The following KCNJ16 variants were observed in gnomAD, a reference collection of about 807,000 sequenced individuals.
The protein encoded by KCNJ16 is potassium inwardly rectifying channel subfamily J member 16.
Under a neutral mutation model 18.5 loss-of-function variants are expected in KCNJ16, and 15 were observed. The ratio of observed to expected loss-of-function variants is 0.81; its 90% CI spans 0.54 to 1.25. The LOEUF is 1.25. KCNJ16 is among the 50% of genes most tolerant of loss of function. The probability of loss-of-function intolerance (pLI) is 0.00; values close to 1 mark genes in which losing one functional copy is unlikely to be tolerated. For missense variants in KCNJ16, 523 were observed against 525.7 expected (o/e 0.99, Z 0.05); for synonymous variants, 174 against 186.5 (o/e 0.93, Z 0.55).
intron 2 of KCNJ16, 150 bp downstream of exon 2, chr17:70,100,916 G>A (rs1038350993): frequency 6.6e-6 from 1 of 152,164 alleles, no homozygotes; most frequent in African/African-American, 2.4e-5. Context: ...TTGCTACAGA[G>A]CAAATTCGGT....
chr17:70,078,798 A>C (rs564996013), intron 1 of KCNJ16, among the ~76,000 whole-genome samples: 1 of 152,200 alleles, frequency 6.6e-6, no homozygotes, highest in Non-Finnish European at 1.5e-5. Flanking sequence ...ACGTACAATT[A>C]GCACACCAAC....
intron 2 of KCNJ16, among the ~76,000 whole-genome samples, chr17:70,116,631 T>G (rs1334857340): frequency 6.6e-6 from 1 of 152,066 alleles, no homozygotes; most frequent in Non-Finnish European, 1.5e-5. Context: ...TTAACAAATT[T>G]AATTAAACAC....
chr17:70,114,027 A>G (rs1052907757), intron 2 of KCNJ16, among the ~76,000 whole-genome samples: 1 of 152,230 alleles, frequency 6.6e-6, no homozygotes, highest in African/African-American at 2.4e-5. Context: ...GATGCTATCT[A>G]TCTGGATCTT....
chr17:70,103,425 C>T (rs1404477988), intron 2 of KCNJ16, among the ~76,000 whole-genome samples: 5 of 150,736 alleles, frequency 3.3e-5, no homozygotes, highest in Admixed American at 1.3e-4. Context: ...CCTTAGTCTC[C>T]CAAAGTGCTA....
intron 1 of KCNJ16, among the ~76,000 whole-genome samples, chr17:70,095,003 C>G (rs1468604511): frequency 6.6e-6 from 1 of 151,960 alleles, no homozygotes; most frequent in African/African-American, 2.4e-5. Context: ...TATTGGCTAA[C>G]AGACAGACTT....
At chr17:70,098,824 G>T (rs2072499859) in intron 1 of KCNJ16, among the ~76,000 whole-genome samples, 2 of 152,218 alleles carry the variant, frequency 1.3e-5, no homozygotes, top group South Asian at 4.2e-4. Flanking sequence ...GACTGATATG[G>T]GGCTGGTCAA....
intron 2 of KCNJ16, among the ~76,000 whole-genome samples, chr17:70,119,575 A>G (rs2073548398): frequency 1.3e-5 from 2 of 152,200 alleles, no homozygotes; most frequent in Non-Finnish European, 2.9e-5. Context: ...GAAGTCACCG[A>G]GGATTATGGC....
intron 2 of KCNJ16, among the ~76,000 whole-genome samples, chr17:70,116,666 AAAG>A (rs1162403470): frequency 2.0e-5 from 3 of 152,222 alleles, no homozygotes; most frequent in African/African-American, 7.2e-5. Flanking sequence ...ACACTTTTCA[AAAG>A]AAGACATACA....
intron 1 of KCNJ16, among the ~76,000 whole-genome samples, chr17:70,082,007 T>C (rs928162308): frequency 6.6e-6 from 1 of 152,202 alleles, no homozygotes; most frequent in Admixed American, 6.5e-5. Flanking sequence ...CTTCATGAAT[T>C]GAACAAATGT....
intron 1 of KCNJ16, among the ~76,000 whole-genome samples, chr17:70,081,842 G>A (rs1567776133): frequency 6.6e-6 from 1 of 151,714 alleles, no homozygotes; most frequent in East Asian, 1.9e-4. Flanking sequence ...GTGTAAATAA[G>A]TGTCTGTATT....
At chr17:70,092,536 A>AGATACATAGATAGAT (rs2072148908) in intron 1 of KCNJ16, among the ~76,000 whole-genome samples, 1 of 15,824 alleles carries the variant, frequency 6.3e-5, no homozygotes, top group African/African-American at 2.0e-4. Flanking sequence ...ATAGACAGAT[A>AGATACATAGATAGAT]GATATAGATA....
intron 1 of KCNJ16, among the ~76,000 whole-genome samples, chr17:70,085,907 A>G (rs2071774481): frequency 1.3e-5 from 2 of 152,214 alleles, no homozygotes; most frequent in Non-Finnish European, 1.5e-5. Flanking sequence ...TCCATTGAGC[A>G]AGGATAATAC....
chr17:70,119,671 G>A (rs1429600641), intron 2 of KCNJ16, among the ~76,000 whole-genome samples: 2 of 152,200 alleles, frequency 1.3e-5, no homozygotes, highest in Non-Finnish European at 2.9e-5. Context: ...TGGATGCAGG[G>A]AGCAGTGTCC....
intron 1 of KCNJ16, among the ~76,000 whole-genome samples, chr17:70,080,715 A>G (rs2071515925): frequency 6.6e-6 from 1 of 152,252 alleles, no homozygotes; most frequent in African/African-American, 2.4e-5. Context: ...TAACCCACAA[A>G]CTTGGCCAGT....
chr17:70,078,622 A>T (rs966503931), intron 1 of KCNJ16, among the ~76,000 whole-genome samples: 5 of 152,210 alleles, frequency 3.3e-5, no homozygotes, highest in African/African-American at 1.2e-4. Flanking sequence ...ATTTTAAATC[A>T]GAGGCATGTT....
chr17:70,075,963 A>G (rs528691935), intron 1 of KCNJ16, among the ~76,000 whole-genome samples: 1 of 37,306 alleles, frequency 2.7e-5, no homozygotes. Flanking sequence ...TAATCCCTCT[A>G]AAGCTTTTTT....
chr17:70,133,168 G>A lies in KCNJ16; in HGVS notation c.1081G>A (p.Glu361Lys). The change falls in exon 4 of 4, where the codon GAA (glutamate) becomes AAA (lysine). Residue 361 changes from glutamate to lysine, a missense_variant. Coordinates refer to ENST00000392671, the MANE Select transcript of KCNJ16 (RefSeq NM_170741.4). ...LHIEKAPPVR[E>K]SCTSDTKARR... ...CATAGAAAAAGCACCACCAGTTCGA[G>A]AATCCTGCACGTCGGACACCAAGGC... 5 of 1,614,192 alleles carry A rather than the reference G, an allele frequency of 3.1e-6. No individual in the cohort carries two copies. Among genetic ancestry groups the A allele is most frequent in the Non-Finnish European group, 4.2e-6 (5 of 1,180,038 alleles).
At chr17:70,103,094 A>T (rs1345219158) in intron 2 of KCNJ16, among the ~76,000 whole-genome samples, 1 of 146,320 alleles carries the variant, frequency 6.8e-6, no homozygotes, top group Non-Finnish European at 1.5e-5. Context: ...ACCATCATCC[A>T]GCTTATGTAT....
chr17:70,120,779 C>G (rs578180822), intron 2 of KCNJ16, among the ~76,000 whole-genome samples: 39 of 152,260 alleles, frequency 2.6e-4, no homozygotes, highest in Middle Eastern at 6.8e-3. Context: ...CACGGCAACC[C>G]CACCTTCAGC....
Sources: gnomAD v4.1 joint callset for allele counts (sites outside exome capture counted in the v4.1 genomes callset) on GRCh38, gnomAD v4.1.1 for gene constraint, MANE v1.5 for transcripts, NCBI Gene and HGNC (gene_info 2026-07-23, HGNC 2026-07-21) for gene names.